Variants in MAP4K4 observed in about 807,000 individuals in gnomAD.
The protein encoded by MAP4K4 is HPK/GCK-like kinase HGK.
Under a neutral mutation model 189.6 loss-of-function variants are expected in MAP4K4, and 38 were observed. The observed-to-expected ratio is 0.20, with a 90% CI of 0.15 to 0.26. The LOEUF is 0.26. Ranked by LOEUF, MAP4K4 falls within the 10% of genes least tolerant of loss-of-function variation. MAP4K4 has a pLI of 1.00. For missense variants in MAP4K4, 1,054 were observed against 1,726.9 expected, an observed-to-expected ratio of 0.61 and a Z score of 6.91; for synonymous variants, 610 against 624.3, an observed-to-expected ratio of 0.98 and a Z score of 0.34.
At chr2:101,877,202 CT>C in intron 27 of MAP4K4, 56 bp downstream of exon 27, 1 of 1,566,386 alleles carries the variant, frequency 6.4e-7, no homozygotes, top group Non-Finnish European at 8.8e-7. Flanking sequence ...AATATTGTAG[CT>C]TTACACACTA....
intron 10 of MAP4K4, among the ~76,000 whole-genome samples, chr2:101,842,300 T>C (rs560288577): frequency 3.9e-5 from 6 of 152,302 alleles, no homozygotes; most frequent in African/African-American, 1.4e-4. Flanking sequence ...CGGGTTCTTT[T>C]CTCATGTATC....
intron 2 of MAP4K4, among the ~76,000 whole-genome samples, chr2:101,762,330 A>G (rs2076849078): frequency 6.6e-6 from 1 of 152,166 alleles, no homozygotes; most frequent in Non-Finnish European, 1.5e-5. Flanking sequence ...CGCTGTGGTG[A>G]CAAATCCATG....
chr2:101,816,858 C>G (rs2095756088), intron 3 of MAP4K4, among the ~76,000 whole-genome samples: 1 of 152,054 alleles, frequency 6.6e-6, no homozygotes, highest in Non-Finnish European at 1.5e-5. Flanking sequence ...TTCAGTGGCC[C>G]AAGCAGGGAA....
chr2:101,807,908 T>G (rs1234649827), intron 3 of MAP4K4, among the ~76,000 whole-genome samples: 2 of 152,200 alleles, frequency 1.3e-5, no homozygotes, highest in Non-Finnish European at 2.9e-5. Flanking sequence ...GAGGTGGTGC[T>G]AAACCATCCG....
At chr2:101,816,227 A>G (rs2095705476) in intron 3 of MAP4K4, among the ~76,000 whole-genome samples, 1 of 152,216 alleles carries the variant, frequency 6.6e-6, no homozygotes, top group Non-Finnish European at 1.5e-5. Flanking sequence ...TTAGTTGTTC[A>G]GGTGGGAGGA....
intron 3 of MAP4K4, among the ~76,000 whole-genome samples, chr2:101,814,353 G>T (rs1170438506): frequency 4.6e-5 from 7 of 152,182 alleles, no homozygotes; most frequent in Non-Finnish European, 1.0e-4. Context: ...AGTAACTTCT[G>T]TGGAAAGCAT....
At position 101,767,898 on chromosome 2, in the gene MAP4K4, A is replaced by AC. The variant is rs534550533; in HGVS notation, c.124-22815dup. Reference sequence around the variant, plus strand: ...TGTGTTCAGATCTGTTTCTCCCCTCACCCCCCCTTACTTTTCCACAAATGA... The same window carrying AC: ...TGTGTTCAGATCTGTTTCTCCCCTCACCCCCCCCTTACTTTTCCACAAATGA... On this transcript the variant is annotated intron_variant, in intron 2 of 32. Coordinates refer to ENST00000324219, the Ensembl canonical transcript of MAP4K4. 8.5e-4 allele frequency among the ~76,000 whole-genome samples: 129 copies of AC among 150,946 alleles called. 1 individual carries two copies. In the East Asian group the frequency reaches 0.02, roughly 24 times the overall value.
intron 2 of MAP4K4, among the ~76,000 whole-genome samples, chr2:101,778,312 G>T (rs1253115370): frequency 2.0e-5 from 3 of 152,214 alleles, no homozygotes; most frequent in Non-Finnish European, 2.9e-5. Context: ...GCGTGTCTCT[G>T]ATTCGTGTGT....
chr2:101,780,218 A>G lies in MAP4K4; in HGVS notation c.124-10502A>G, dbSNP rs918866016. ...GAGTTGGTAGTGAGTGGAAGGGACCATGGGTGGATGAGGAGCCCAGAATGG... is the reference window on the plus strand; with the variant it reads ...GAGTTGGTAGTGAGTGGAAGGGACCGTGGGTGGATGAGGAGCCCAGAATGG... On this transcript the variant is annotated intron_variant, in intron 2 of 32. Coordinates refer to ENST00000324219, the Ensembl canonical transcript of MAP4K4. Among the ~76,000 whole-genome samples the G allele has an allele frequency of 5.9e-5, 9 of 152,314 alleles. No homozygotes were observed. In the South Asian group the frequency reaches 1.0e-3, roughly 18 times the overall value.
intron 24 of MAP4K4, among the ~76,000 whole-genome samples, chr2:101,872,890 C>T (rs17026220): frequency 0.021 from 3,182 of 152,284 alleles, 91 homozygotes; most frequent in African/African-American, 0.071. Flanking sequence ...TGCTCCATTT[C>T]GCTCTAATGT....
chr2:101,718,936 G>A (rs2050117347), intron 2 of MAP4K4, among the ~76,000 whole-genome samples: 1 of 152,160 alleles, frequency 6.6e-6, no homozygotes, highest in Non-Finnish European at 1.5e-5. Flanking sequence ...CAGCTGCTAG[G>A]GTGGGTTCTT....
At chr2:101,857,557 G>A (rs1576877944) in intron 13 of MAP4K4, among the ~76,000 whole-genome samples, 1 of 152,166 alleles carries the variant, frequency 6.6e-6, no homozygotes, top group Admixed American at 6.5e-5. Context: ...AGGTTCCTTT[G>A]CTCCGTCACA....
chr2:101,740,450 G>A (rs566564967), intron 2 of MAP4K4, among the ~76,000 whole-genome samples: 2 of 102,456 alleles, frequency 2.0e-5, no homozygotes, highest in Non-Finnish European at 1.7e-5. Flanking sequence ...CACCGCGCCC[G>A]GCCGCTTTAT....
chr2:101,877,846 T>C (rs1402101613), intron 27 of MAP4K4, among the ~76,000 whole-genome samples: 1 of 151,990 alleles, frequency 6.6e-6, no homozygotes, highest in East Asian at 1.9e-4. Flanking sequence ...GTCTCCCAGG[T>C]TCACACCATT....
intron 8 of MAP4K4, among the ~76,000 whole-genome samples, chr2:101,834,775 TTGAG>T (rs1223722465): frequency 1.3e-5 from 2 of 152,224 alleles, no homozygotes; most frequent in Non-Finnish European, 2.9e-5. Flanking sequence ...ACATTTTAAA[TTGAG>T]TAATTCAGTG....
intron 2 of MAP4K4, among the ~76,000 whole-genome samples, chr2:101,755,855 A>C (rs1432650620): frequency 6.6e-6 from 1 of 150,674 alleles, no homozygotes; most frequent in Non-Finnish European, 1.5e-5. Flanking sequence ...TAGTAGGTGC[A>C]CATCTGTCTA....
At chr2:101,801,631 G>A (rs1282291455) in intron 3 of MAP4K4, among the ~76,000 whole-genome samples, 1 of 152,176 alleles carries the variant, frequency 6.6e-6, no homozygotes, top group Non-Finnish European at 1.5e-5. Context: ...AGTTCTGGGA[G>A]CGGTGGAAAC....
chr2:101,726,169 TGTTA>T (rs2055282203), intron 2 of MAP4K4, among the ~76,000 whole-genome samples: 1 of 152,354 alleles, frequency 6.6e-6, no homozygotes, highest in South Asian at 2.1e-4. Flanking sequence ...TTGATGTCTG[TGTTA>T]GTTGCAAATT....
chr2:101,801,939 G>A (rs1022844337), intron 3 of MAP4K4, among the ~76,000 whole-genome samples: 14 of 152,156 alleles, frequency 9.2e-5, no homozygotes, highest in African/African-American at 3.4e-4. Flanking sequence ...TATCCTGGGT[G>A]GACTACTTGC....
Sources: gnomAD v4.1 joint callset for allele counts (sites outside exome capture counted in the v4.1 genomes callset) on GRCh38, gnomAD v4.1.1 for gene constraint, MANE v1.5 for transcripts, NCBI Gene and HGNC (gene_info 2026-07-23, HGNC 2026-07-21) for gene names.